FHIT: variants seen among roughly 807,000 people sequenced by gnomAD.
The protein encoded by FHIT is bis(5'-adenosyl)-triphosphatase.
In FHIT, 19 loss-of-function variants were observed where a neutral mutation model predicts 17.9. The observed-to-expected ratio is 1.06, with a 90% CI of 0.74 to 1.56. The LOEUF (loss-of-function observed/expected upper bound fraction) is 1.56. Ranked by LOEUF, FHIT falls within the 40% of genes most tolerant of loss-of-function variation. The pLI is 0.00. For missense variants in FHIT, 248 were observed against 189.2 expected (o/e 1.31, Z -1.82); for synonymous variants, 81 against 69.7 (o/e 1.16, Z -0.81).
chr3:61,233,483 T>C (rs1157765831), intron 1 of FHIT, among the ~76,000 whole-genome samples: 1 of 152,168 alleles, frequency 6.6e-6, no homozygotes, highest in Non-Finnish European at 1.5e-5. Flanking sequence ...ATACCTTCTT[T>C]AGAGCATCTA....
chr3:61,136,329 T>C (rs1018183838), intron 2 of FHIT, among the ~76,000 whole-genome samples: 1 of 151,936 alleles, frequency 6.6e-6, no homozygotes, highest in Non-Finnish European at 1.5e-5. Flanking sequence ...CACTGGGCAT[T>C]TGCCACAACC....
At chr3:60,324,304 G>T (rs576733892) in intron 5 of FHIT, among the ~76,000 whole-genome samples, 1 of 145,524 alleles carries the variant, frequency 6.9e-6, no homozygotes, top group East Asian at 2.1e-4. Context: ...CAGTTACTAA[G>T]GCCGGGCGCG....
At chr3:59,848,108 C>CT (rs1701789231) in intron 8 of FHIT, among the ~76,000 whole-genome samples, 1 of 152,096 alleles carries the variant, frequency 6.6e-6, no homozygotes, top group Non-Finnish European at 1.5e-5. Context: ...GGATAGAGTC[C>CT]TTTTTGCCCA....
intron 3 of FHIT, among the ~76,000 whole-genome samples, chr3:60,933,400 T>G (rs1263892668): frequency 6.6e-6 from 1 of 152,228 alleles, no homozygotes; most frequent in Non-Finnish European, 1.5e-5. Flanking sequence ...CAACAGAAAT[T>G]AATAATGTGA....
At chr3:60,377,496 A>T (rs1576564606) in intron 5 of FHIT, among the ~76,000 whole-genome samples, 2 of 57,256 alleles carry the variant, frequency 3.5e-5, no homozygotes, top group African/African-American at 7.0e-5. Context: ...TTTTTTTGAG[A>T]CGGAGTCTCG....
intron 8 of FHIT, among the ~76,000 whole-genome samples, chr3:59,790,699 A>G (rs1447807237): frequency 1.3e-5 from 2 of 152,088 alleles, no homozygotes; most frequent in African/African-American, 4.8e-5. Flanking sequence ...CGCACTTAGG[A>G]AAAGGATAAT....
chr3:60,382,741 G>C (rs1700859182), intron 5 of FHIT, among the ~76,000 whole-genome samples: 1 of 152,032 alleles, frequency 6.6e-6, no homozygotes, highest in Non-Finnish European at 1.5e-5. Context: ...ACTCCAATAG[G>C]GCTTTCATTA....
At chr3:60,291,218 T>C (rs1050668465) in intron 5 of FHIT, among the ~76,000 whole-genome samples, 3 of 151,992 alleles carry the variant, frequency 2.0e-5, no homozygotes, top group African/African-American at 7.2e-5. Context: ...CACAGGGAAA[T>C]ACAGGGGGTT....
intron 4 of FHIT, among the ~76,000 whole-genome samples, chr3:60,662,519 G>C (rs546503272): frequency 3.5e-4 from 53 of 152,108 alleles, no homozygotes; most frequent in African/African-American, 1.2e-3. Flanking sequence ...CTTTGGCTTT[G>C]TGGGCTCTTT....
chr3:60,945,965 T>G (rs1708623595), intron 3 of FHIT, among the ~76,000 whole-genome samples: 1 of 152,090 alleles, frequency 6.6e-6, no homozygotes, highest in Non-Finnish European at 1.5e-5. Flanking sequence ...GTGTCCTCCA[T>G]CCATCCACAC....
At chr3:59,991,379 C>T (rs937273878) in intron 7 of FHIT, among the ~76,000 whole-genome samples, 10 of 152,000 alleles carry the variant, frequency 6.6e-5, no homozygotes, top group African/African-American at 2.4e-4. Flanking sequence ...GTGTGTTTGA[C>T]TTGTTTTGGC....
At chr3:60,741,357 G>C (rs2042237318) in intron 4 of FHIT, among the ~76,000 whole-genome samples, 1 of 152,188 alleles carries the variant, frequency 6.6e-6, no homozygotes, top group Non-Finnish European at 1.5e-5. Flanking sequence ...GGAGTTTGTA[G>C]ACAGGAACCC....
intron 4 of FHIT, among the ~76,000 whole-genome samples, chr3:60,750,434 GGA>G (rs1160349365): frequency 6.6e-6 from 1 of 152,056 alleles, no homozygotes; most frequent in Non-Finnish European, 1.5e-5. Context: ...ACATGTTGTG[GGA>G]GGAACCCAGC....
At chr3:60,993,878 G>A (rs907437889) in intron 3 of FHIT, among the ~76,000 whole-genome samples, 109 of 152,236 alleles carry the variant, frequency 7.2e-4, no homozygotes, top group African/African-American at 2.6e-3. Context: ...CCCTTTGTAT[G>A]TACGGCTAAT....
chr3:59,836,282 G>A (rs1327877693), intron 8 of FHIT, among the ~76,000 whole-genome samples: 4 of 152,134 alleles, frequency 2.6e-5, no homozygotes, highest in African/African-American at 9.7e-5. Flanking sequence ...TGTTAGGCTG[G>A]GCATTCTTAT....
intron 5 of FHIT, among the ~76,000 whole-genome samples, chr3:60,070,317 C>T (rs749575680): frequency 6.6e-6 from 1 of 152,208 alleles, no homozygotes; most frequent in Non-Finnish European, 1.5e-5. Context: ...ATTGAAGCCA[C>T]GGCTTCTGAC....
chr3:60,710,703 G>T (rs983750692), intron 4 of FHIT, among the ~76,000 whole-genome samples: 1 of 152,202 alleles, frequency 6.6e-6, no homozygotes, highest in Non-Finnish European at 1.5e-5. Flanking sequence ...ACTGCAAGGC[G>T]GCAGCGAGGC....
chr3:60,090,155 A>G (rs778981930), intron 5 of FHIT, among the ~76,000 whole-genome samples: 4 of 152,100 alleles, frequency 2.6e-5, no homozygotes, highest in African/African-American at 7.2e-5. Flanking sequence ...ACGTACATCA[A>G]TGGTCTACAT....
rs1437850642 is a variant in FHIT at position 61,025,473 on chromosome 3, T to G, written c.-111+16574A>C. On this transcript the variant is annotated intron_variant, in intron 3 of 9. Transcript: ENST00000492590. Reference sequence around the variant, plus strand: ...CCAAGGAATGAATTTTAGTTTGCTCTTACCCTTTGAATGGATAAGCACATT... The same window carrying G: ...CCAAGGAATGAATTTTAGTTTGCTCGTACCCTTTGAATGGATAAGCACATT... Among the ~76,000 whole-genome samples the G allele has an allele frequency of 2.6e-5, 4 of 152,180 alleles. No individual in the cohort carries two copies. In the South Asian group the frequency reaches 8.3e-4, roughly 32 times the overall value.
Sources: allele counts gnomAD v4.1 joint callset (sites outside exome capture counted in the v4.1 genomes callset), GRCh38; gene constraint gnomAD v4.1.1; transcripts MANE v1.5; gene names NCBI Gene and HGNC (gene_info 2026-07-23, HGNC 2026-07-21).